Variants in ELOC observed in about 807,000 individuals in gnomAD.
The protein encoded by ELOC is elongin C.
For missense variants in ELOC, 38 were observed against 139.0 expected, an observed-to-expected ratio of 0.27 and a Z score of 3.65; for synonymous variants, 40 against 51.3, an observed-to-expected ratio of 0.78 and a Z score of 0.94.
intron 2 of ELOC, 125 bp from the exon 3 acceptor site, chr8:73,956,179 T>G (rs1488388538): frequency 2.4e-6 from 2 of 849,268 alleles, no homozygotes; most frequent in African/African-American, 3.4e-5. Flanking sequence ...TCACCTGAGG[T>G]CAGGAGTTCA....
chr8:73,953,272 C>A (rs550920213), intron 3 of ELOC, among the ~76,000 whole-genome samples: 1 of 152,010 alleles, frequency 6.6e-6, no homozygotes. Flanking sequence ...TGCCACTGCA[C>A]TCTAGCCTGC....
chr8:73,961,530 T>G (rs189569252), intron 1 of ELOC, among the ~76,000 whole-genome samples: 61 of 152,324 alleles, frequency 4.0e-4, no homozygotes, highest in African/African-American at 1.3e-3. Flanking sequence ...TTTTTTTTTT[T>G]TGAGAGGCAG....
At chr8:73,954,987 T>C (rs963210916) in intron 3 of ELOC, among the ~76,000 whole-genome samples, 3 of 126,394 alleles carry the variant, frequency 2.4e-5, no homozygotes, top group Non-Finnish European at 3.1e-5. Flanking sequence ...TGAGCCGAGA[T>C]GGCACCATTG....
chr8:73,960,765 G>A (rs183350136), intron 1 of ELOC, among the ~76,000 whole-genome samples: 1 of 152,224 alleles, frequency 6.6e-6, no homozygotes, highest in East Asian at 1.9e-4. Flanking sequence ...GCAAATATTT[G>A]CTTGAATGAA....
intron 2 of ELOC, among the ~76,000 whole-genome samples, chr8:73,956,803 T>G (rs958813867): frequency 6.6e-6 from 1 of 152,210 alleles, no homozygotes; most frequent in African/African-American, 2.4e-5. Context: ...TTCTAAAAGT[T>G]AAGACTTCTT....
intron 1 of ELOC, among the ~76,000 whole-genome samples, chr8:73,968,631 G>T (rs1012924586): frequency 2.6e-5 from 4 of 152,204 alleles, no homozygotes; most frequent in Admixed American, 2.6e-4. Flanking sequence ...TATATATTTT[G>T]TCCACCCTGC....
chr8:73,969,932 T>C (rs1176098212), intron 1 of ELOC, among the ~76,000 whole-genome samples: 1 of 152,244 alleles, frequency 6.6e-6, no homozygotes, highest in African/African-American at 2.4e-5. Context: ...TTTCTGCTCT[T>C]ACTTAATAAC....
intron 1 of ELOC, chr8:73,970,494 A>T (rs1044064621): frequency 2.0e-5 from 3 of 152,214 alleles, no homozygotes; most frequent in African/African-American, 7.2e-5. Flanking sequence ...CATATTTAAG[A>T]AAAAGAGGAA....
Position 73,946,051 on chromosome 8 carries a change from TAAA to T in ELOC, c.*576_*578del, listed in dbSNP as rs1813360992. On this transcript the variant is annotated 3_prime_UTR_variant, in exon 4 of 4. Coordinates refer to ENST00000520242, the MANE Select transcript of ELOC (RefSeq NM_005648.4). ...CCTAGTAACCTTCCAAAATTGTTTT[TAAA>T]TAAAGTTCTTAAATTGTAGCAATAA... 1 of 151,440 alleles carries T rather than the reference TAAA, an allele frequency of 6.6e-6. No homozygotes were observed. The highest frequency in any genetic ancestry group is 2.5e-5 in the African/African-American group (1 of 40,760). The allele number at this position is 151,440 out of a possible 1,614,324, so 9.4% of individuals were successfully genotyped here.
intron 3 of ELOC, among the ~76,000 whole-genome samples, chr8:73,954,894 CG>C (rs934095188): frequency 8.0e-5 from 12 of 150,176 alleles, no homozygotes; most frequent in African/African-American, 2.9e-4. Flanking sequence ...ATTAGCCAGG[CG>C]TGGTGGTAGG....
chr8:73,962,896 A>G (rs924624185), intron 1 of ELOC, among the ~76,000 whole-genome samples: 1 of 152,244 alleles, frequency 6.6e-6, no homozygotes, highest in Non-Finnish European at 1.5e-5. Context: ...GAAGTTAGAA[A>G]TATTTAAAAT....
chr8:73,949,201 A>T (rs971661717), intron 3 of ELOC, among the ~76,000 whole-genome samples: 1 of 152,256 alleles, frequency 6.6e-6, no homozygotes, highest in African/African-American at 2.4e-5. Context: ...TGCCTTTTAT[A>T]TATCTGTTGG....
chr8:73,955,674 AG>A, intron 3 of ELOC: 1 of 482,684 alleles, frequency 2.1e-6, no homozygotes, highest in Non-Finnish European at 3.7e-6. Context: ...CTGAGGCAGG[AG>A]AATTGCCTGA....
rs1281722544 is a variant in ELOC, at chr8:73,945,293, A to G, written c.*1337T>C. 1 of 151,706 alleles carries G rather than the reference A, an allele frequency of 6.6e-6. No homozygotes were observed. Among genetic ancestry groups the G allele is most frequent in the East Asian group, 1.9e-4 (1 of 5,166 alleles). The allele number at this position is 151,706 out of a possible 1,614,324, so 9.4% of individuals were successfully genotyped here. On this transcript the variant is annotated 3_prime_UTR_variant, in exon 4 of 4. Transcript: ENST00000520242. ...CCACCATGGCCTAGCTAATTTTTGC[A>G]TTTTTGGTAGAGATGGGGTTTTGCC... is the stretch of plus-strand genomic sequence containing the variant.
chr8:73,966,657 TA>T (rs1421854210), intron 1 of ELOC, among the ~76,000 whole-genome samples: 1 of 151,120 alleles, frequency 6.6e-6, no homozygotes, highest in Admixed American at 6.6e-5. Flanking sequence ...TTTTTTTTTT[TA>T]AGTGGAGGTC....
intron 1 of ELOC, among the ~76,000 whole-genome samples, chr8:73,962,028 T>TG (rs1176651724): frequency 6.6e-6 from 1 of 152,014 alleles, no homozygotes; most frequent in Non-Finnish European, 1.5e-5. Flanking sequence ...CCCGAGTAGC[T>TG]GGGACTACAG....
At chr8:73,958,513 T>C (rs1219703913) in intron 2 of ELOC, among the ~76,000 whole-genome samples, 4 of 152,326 alleles carry the variant, frequency 2.6e-5, no homozygotes, top group East Asian at 1.9e-4. Flanking sequence ...GCTATGTTAG[T>C]ATCTTTTTTT....
At chr8:73,956,134 C>T in intron 2 of ELOC, 80 bp from the exon 3 acceptor site, 1 of 1,385,478 alleles carries the variant, frequency 7.2e-7, no homozygotes, top group Non-Finnish European at 1.0e-6. Context: ...GGCGCAGTGG[C>T]TCACGCCTGT....
chr8:73,965,298 C>T (rs72661854), intron 1 of ELOC, among the ~76,000 whole-genome samples: 46,406 of 151,916 alleles, frequency 0.31, 7,352 homozygotes, highest in Admixed American at 0.39. Flanking sequence ...TATACAGCCA[C>T]GAGTATAGCT....
Sources: gnomAD v4.1 joint callset for allele counts (sites outside exome capture counted in the v4.1 genomes callset) on GRCh38, gnomAD v4.1.1 for gene constraint, MANE v1.5 for transcripts, NCBI Gene and HGNC (gene_info 2026-07-23, HGNC 2026-07-21) for gene names.